The following SRC variants were observed in gnomAD, a reference collection of about 807,000 sequenced individuals.
SRC encodes the protein SRC proto-oncogene, non-receptor tyrosine kinase.
Under a neutral mutation model 62.9 loss-of-function variants are expected in SRC, and 13 were observed. That is an observed-to-expected ratio of 0.21 (90% CI 0.13 to 0.33). The LOEUF (loss-of-function observed/expected upper bound fraction) is 0.33, where lower values mean the gene tolerates loss of function less well. Ranked by LOEUF, SRC falls within the 10% of genes least tolerant of loss-of-function variation. The pLI is 1.00. For synonymous variants in SRC, 302 were observed against 317.5 expected (o/e 0.95, Z 0.52); for missense variants, 457 against 737.3 (o/e 0.62, Z 4.40).
At chr20:37,348,892 G>A (rs1407662432) in intron 1 of SRC, among the ~76,000 whole-genome samples, 3 of 152,202 alleles carry the variant, frequency 2.0e-5, no homozygotes, top group African/African-American at 7.2e-5. Context: ...AGCAGGAAGT[G>A]CATGTGCAAA....
In SRC at chr20:37,384,532, A is replaced by T; in HGVS notation, c.250+129A>T. On this transcript the variant is annotated intron_variant, in intron 4 of 13. Transcript: ENST00000373578. This position sits in a 1 kb window ranked among gnomAD's most constrained non-coding sequence, Gnocchi z 6.7. Reference sequence around the variant, plus strand: ...TCGCCAGGGGTAGCGCCCCTGGGTGACTTGGGTGTCCGGGGGGTGGGGGGG... The same window carrying T: ...TCGCCAGGGGTAGCGCCCCTGGGTGTCTTGGGTGTCCGGGGGGTGGGGGGG... 6.4e-5 allele frequency: 36 copies of T among 562,506 alleles called. No individual in the cohort carries two copies. The highest frequency in any genetic ancestry group is 7.4e-5 in the Non-Finnish European group (31 of 419,306). 34.8% of individuals were successfully genotyped at this position (562,506 alleles called of 1,614,324 possible).
At chr20:37,390,388 CTTTTTTT>C (rs562064689) in intron 5 of SRC, among the ~76,000 whole-genome samples, 9 of 85,648 alleles carry the variant, frequency 1.1e-4, no homozygotes, top group South Asian at 7.5e-4. Flanking sequence ...TCTGATCTGG[CTTTTTTT>C]TTTTTTTTTT....
intron 10 of SRC, among the ~76,000 whole-genome samples, chr20:37,401,273 G>C (rs1355878149): frequency 1.3e-5 from 2 of 152,116 alleles, no homozygotes; most frequent in African/African-American, 4.8e-5. Context: ...ACAGTGCTGG[G>C]ATTGCAGGCA....
intron 1 of SRC, among the ~76,000 whole-genome samples, chr20:37,348,312 G>T (rs1046503666): frequency 6.6e-6 from 1 of 152,116 alleles, no homozygotes; most frequent in Admixed American, 6.5e-5. Context: ...GTGGAGGGAT[G>T]TCTGGCTCCC....
chr20:37,378,806 C>G (rs1188464458), intron 2 of SRC, among the ~76,000 whole-genome samples: 1 of 152,126 alleles, frequency 6.6e-6, no homozygotes, highest in Non-Finnish European at 1.5e-5. Flanking sequence ...GTGTCCAGGC[C>G]TAGGATCACA....
At chr20:37,348,514 C>G (rs1330606665) in intron 1 of SRC, among the ~76,000 whole-genome samples, 6 of 152,136 alleles carry the variant, frequency 3.9e-5, no homozygotes, top group Admixed American at 3.9e-4. Context: ...CTGGGGTTAG[C>G]AGGGAGTGGG....
intron 1 of SRC, among the ~76,000 whole-genome samples, chr20:37,346,867 G>A (rs1039887810): frequency 6.6e-6 from 1 of 152,150 alleles, no homozygotes; most frequent in South Asian, 2.1e-4. Context: ...CCAGCTACCA[G>A]CCGGCTCAGA....
At chr20:37,362,888 C>T (rs1473663056) in intron 1 of SRC, among the ~76,000 whole-genome samples, 1 of 152,168 alleles carries the variant, frequency 6.6e-6, no homozygotes, top group Non-Finnish European at 1.5e-5. Flanking sequence ...CCTGGTGTGC[C>T]AGTCTTTCCC....
intron 11 of SRC, chr20:37,401,919 G>A (rs543622643): frequency 8.9e-6 from 4 of 448,878 alleles, no homozygotes; most frequent in South Asian, 5.6e-5. Context: ...GTGGGACCTC[G>A]GGCCTCAGTT....
intron 1 of SRC, among the ~76,000 whole-genome samples, chr20:37,355,942 G>T (rs1415638337): frequency 6.6e-6 from 1 of 152,194 alleles, no homozygotes; most frequent in African/African-American, 2.4e-5. Context: ...TCAGGCTTGG[G>T]CCTGGGGGTG....
chr20:37,386,437 G>A, intron 5 of SRC: 1 of 717,110 alleles, frequency 1.4e-6, no homozygotes. Flanking sequence ...CCCTCTCTCT[G>A]CTTCTCTCTC....
chr20:37,349,922 T>G (rs1226233784), intron 1 of SRC, among the ~76,000 whole-genome samples: 1 of 152,228 alleles, frequency 6.6e-6, no homozygotes. Context: ...TTGTAAGTAC[T>G]AAGACCCAGG....
rs2070800261 is a variant in SRC at position 37,404,799 on chromosome 20, T to C, written c.*1420T>C. The C allele has an allele frequency of 4.3e-6, 1 of 233,404 alleles. No individual in the cohort carries two copies. Among genetic ancestry groups the C allele is most frequent in the Non-Finnish European group, 8.5e-6 (1 of 118,122 alleles). 14.5% of individuals were successfully genotyped at this position (233,404 alleles called of 1,614,324 possible). On this transcript the variant is annotated 3_prime_UTR_variant, in exon 14 of 14. Transcript: ENST00000373578. Reference sequence around the variant, plus strand: ...CTCTGTTCGGCCTTTGGGTGTGTGGTGGATTCTCCCTGGGCCTCAGTGTGC... The same window carrying C: ...CTCTGTTCGGCCTTTGGGTGTGTGGCGGATTCTCCCTGGGCCTCAGTGTGC...
At chr20:37,386,519 T>A (rs2070457926) in intron 5 of SRC, 2 of 699,596 alleles carry the variant, frequency 2.9e-6, no homozygotes, top group Non-Finnish European at 2.6e-6. Context: ...GCGGGGTGCT[T>A]CGCGGGGGGT....
In SRC at chr20:37,400,105, T is replaced by C; in HGVS notation, c.860-10T>C. 6.3e-7 allele frequency: 1 copy of C among 1,592,594 alleles called. No individual in the cohort carries two copies. The highest frequency in any genetic ancestry group is 8.6e-7 in the Non-Finnish European group (1 of 1,167,552). On this transcript the variant is annotated splice_polypyrimidine_tract_variant and intron_variant, in intron 9 of 13. Coordinates refer to ENST00000373578, the MANE Select transcript of SRC (RefSeq NM_198291.3). ...GCTCCACTGAGTCAGCCTGCATCCCTCCTCAACAGGGACCTGGAACGGTAC... is the reference window on the plus strand; with the variant it reads ...GCTCCACTGAGTCAGCCTGCATCCCCCCTCAACAGGGACCTGGAACGGTAC...
rs112739878 is a variant in SRC at position 37,402,542 on chromosome 20, T to C, written c.1224T>C (p.Phe408=). Residue 408 remains phenylalanine, a synonymous_variant, in exon 12 of 14, where the codon TTT becomes TTC. Coordinates refer to ENST00000373578, the MANE Select transcript of SRC (RefSeq NM_198291.3). This position sits in a 1 kb window ranked among gnomAD's most constrained non-coding sequence, Gnocchi z 6.2. The part of the protein sequence containing the change: ...GENLVCKVAD[F]GLARLIEDNE... ...ACCTGGTGTGCAAAGTGGCGGACTT[T>C]GGGCTGGCTCGGCTCATTGAAGACA... The C allele has an allele frequency of 1.0e-3, 1,671 of 1,613,934 alleles. 29 individuals carry two copies. In the African/African-American group the frequency reaches 0.02, roughly 19 times the overall value.
Position 37,384,073 on chromosome 20 carries a change from G to A in SRC, c.-4-77G>A. ...CTTGGGCCTCGTTTTCCCTATCTGT[G>A]GAATGGGTGGGAGGGAGGCCGGCCA... On this transcript the variant is annotated intron_variant, in intron 3 of 13. Coordinates refer to ENST00000373578, the MANE Select transcript of SRC (RefSeq NM_198291.3). This position sits in a 1 kb window ranked among gnomAD's most constrained non-coding sequence, Gnocchi z 6.7. 3.2e-6 allele frequency: 5 copies of A among 1,550,728 alleles called. No homozygotes were observed. The highest frequency in any genetic ancestry group is 4.3e-6 in the Non-Finnish European group (5 of 1,155,924).
At chr20:37,364,191 G>T (rs940705052) in intron 1 of SRC, among the ~76,000 whole-genome samples, 3 of 152,154 alleles carry the variant, frequency 2.0e-5, no homozygotes, top group African/African-American at 7.2e-5. Context: ...CTCCTTTGAG[G>T]AATGGGCTCT....
Position 37,384,268 on chromosome 20 carries a change from A to G in SRC, c.115A>G (p.Ser39Gly). The G allele has an allele frequency of 6.4e-7, 1 of 1,551,964 alleles. No homozygotes were observed. The stretch of plus-strand genomic sequence containing the variant: ...CGCTTTCCCCGCCTCGCAGACCCCC[A>G]GCAAGCCAGCCTCGGCCGACGGCCA... ...GGAFPASQTPSKPASADGHRG... is the reference protein window; with the variant it reads ...GGAFPASQTPGKPASADGHRG... Residue 39 changes from serine (S) to glycine (G), a missense_variant, in exon 4 of 14, where the codon AGC (serine) becomes GGC (glycine). By Grantham distance (56) the Ser-to-Gly change is moderately conservative. Coordinates refer to ENST00000373578, the MANE Select transcript of SRC (RefSeq NM_198291.3). This position sits in a 1 kb window ranked among gnomAD's most constrained non-coding sequence, Gnocchi z 6.7.
Sources: gnomAD v4.1 joint callset for allele counts (sites outside exome capture counted in the v4.1 genomes callset) on GRCh38, gnomAD v4.1.1 for gene constraint, Gnocchi (gnomAD v3.1) non-coding constraint, MANE v1.5 for transcripts, NCBI Gene and HGNC (gene_info 2026-07-23, HGNC 2026-07-21) for gene names.